LRRC4C: variants seen among roughly 807,000 people sequenced by gnomAD.
The protein encoded by LRRC4C is leucine-rich repeat-containing protein 4C.
In LRRC4C, 5 loss-of-function variants were observed where a neutral mutation model predicts 33.6. The ratio of observed to expected loss-of-function variants is 0.15; its 90% confidence interval spans 0.08 to 0.31. LRRC4C has a LOEUF of 0.31. LRRC4C is among the 10% of genes least tolerant of loss of function. The probability of loss-of-function intolerance (pLI) is 1.00; values close to 1 mark genes in which losing one functional copy is unlikely to be tolerated. For synonymous variants in LRRC4C, 329 were observed against 302.0 expected (o/e 1.09, Z -0.93); for missense variants, 560 against 796.7 (o/e 0.70, Z 3.58).
intron 2 of LRRC4C, among the ~76,000 whole-genome samples, chr11:40,869,126 T>C (rs1274267943): frequency 6.6e-6 from 1 of 152,082 alleles, no homozygotes; most frequent in Non-Finnish European, 1.5e-5. Flanking sequence ...TAAAAAACAA[T>C]GCCTCTGATC....
At chr11:40,465,762 C>A (rs1246764120) in intron 3 of LRRC4C, among the ~76,000 whole-genome samples, 1 of 151,736 alleles carries the variant, frequency 6.6e-6, no homozygotes, top group African/African-American at 2.4e-5. Context: ...ATCAGAATGT[C>A]TATTACTAAA....
intron 2 of LRRC4C, among the ~76,000 whole-genome samples, chr11:40,767,161 A>C (rs898346057): frequency 1.3e-5 from 2 of 152,134 alleles, no homozygotes; most frequent in Admixed American, 6.6e-5. Context: ...TGGAAGCCCC[A>C]AAAATAGCAG....
intron 4 of LRRC4C, among the ~76,000 whole-genome samples, chr11:40,315,925 C>T (rs1945551566): frequency 6.6e-6 from 1 of 151,998 alleles, no homozygotes; most frequent in South Asian, 2.1e-4. Context: ...CTTACAATCT[C>T]CCTGAGTAGG....
At chr11:40,740,102 T>G (rs918793098) in intron 2 of LRRC4C, among the ~76,000 whole-genome samples, 1 of 152,056 alleles carries the variant, frequency 6.6e-6, no homozygotes, top group Non-Finnish European at 1.5e-5. Flanking sequence ...TCTTGGCTAT[T>G]GGGAATAATG....
chr11:40,560,389 A>G (rs1369329575), intron 3 of LRRC4C, among the ~76,000 whole-genome samples: 1 of 151,874 alleles, frequency 6.6e-6, no homozygotes, highest in Non-Finnish European at 1.5e-5. Context: ...CATGCCAACA[A>G]CGAATTAGGT....
chr11:40,809,924 A>G (rs1342722826), intron 2 of LRRC4C, among the ~76,000 whole-genome samples: 1 of 152,200 alleles, frequency 6.6e-6, no homozygotes, highest in Non-Finnish European at 1.5e-5. Flanking sequence ...AATGTACAAA[A>G]ATAATGGTTT....
chr11:40,795,863 C>T (rs915833123), intron 2 of LRRC4C, among the ~76,000 whole-genome samples: 2 of 152,120 alleles, frequency 1.3e-5, no homozygotes, highest in African/African-American at 4.8e-5. Flanking sequence ...CCCTGTAACG[C>T]TTTAAGAATT....
intron 1 of LRRC4C, among the ~76,000 whole-genome samples, chr11:41,295,004 A>G (rs1209071656): frequency 6.6e-6 from 1 of 152,188 alleles, no homozygotes; most frequent in Non-Finnish European, 1.5e-5. Flanking sequence ...CTGATAGTAC[A>G]CTTACACACG....
intron 1 of LRRC4C, among the ~76,000 whole-genome samples, chr11:41,249,039 C>T (rs116732705): frequency 0.14 from 19,774 of 144,900 alleles, 1,468 homozygotes; most frequent in Middle Eastern, 0.24. Flanking sequence ...ATACTGTCTT[C>T]TTTTTTTTTT....
At chr11:41,401,309 T>C (rs1954016633) in intron 1 of LRRC4C, among the ~76,000 whole-genome samples, 1 of 151,970 alleles carries the variant, frequency 6.6e-6, no homozygotes, top group African/African-American at 2.4e-5. Context: ...CAAAAATAGC[T>C]GGTGGTTACC....
At chr11:41,428,444 T>A (rs1955119340) in intron 1 of LRRC4C, among the ~76,000 whole-genome samples, 1 of 151,956 alleles carries the variant, frequency 6.6e-6, no homozygotes, top group Non-Finnish European at 1.5e-5. Context: ...AAAAACGTAT[T>A]TTTTTTGTCA....
At chr11:40,116,962 C>T (rs750939360) in intron 6 of LRRC4C, among the ~76,000 whole-genome samples, 4 of 152,190 alleles carry the variant, frequency 2.6e-5, no homozygotes, top group African/African-American at 4.8e-5. Context: ...TTCTTTGCAA[C>T]TGCACAGGTT....
intron 1 of LRRC4C, among the ~76,000 whole-genome samples, chr11:41,367,130 T>G (rs1412990778): frequency 1.3e-5 from 2 of 152,144 alleles, no homozygotes; most frequent in Non-Finnish European, 2.9e-5. Flanking sequence ...GGGTGTTGCA[T>G]TGAGAGATGA....
At chr11:40,868,152 G>A (rs1245309176) in intron 2 of LRRC4C, among the ~76,000 whole-genome samples, 1 of 152,068 alleles carries the variant, frequency 6.6e-6, no homozygotes, top group African/African-American at 2.4e-5. Context: ...CTTAAACTGT[G>A]TGCACATTGG....
At chr11:40,650,089 G>C (rs1479612935) in intron 2 of LRRC4C, among the ~76,000 whole-genome samples, 3 of 152,098 alleles carry the variant, frequency 2.0e-5, no homozygotes, top group Admixed American at 2.0e-4. Flanking sequence ...TTGGCACTAG[G>C]CTAATGAAGA....
intron 3 of LRRC4C, among the ~76,000 whole-genome samples, chr11:40,367,700 T>C (rs1342049937): frequency 6.6e-6 from 1 of 152,128 alleles, no homozygotes; most frequent in Admixed American, 6.6e-5. Flanking sequence ...TCAACACTTT[T>C]GTGAAATGTC....
intron 1 of LRRC4C, among the ~76,000 whole-genome samples, chr11:41,282,614 C>T (rs532023202): frequency 1.3e-5 from 2 of 152,162 alleles, no homozygotes; most frequent in Admixed American, 6.5e-5. Flanking sequence ...GATGTCTGCC[C>T]GGGGTGTGGA....
intron 2 of LRRC4C, among the ~76,000 whole-genome samples, chr11:40,656,354 C>G (rs532267591): frequency 6.6e-6 from 1 of 151,358 alleles, no homozygotes; most frequent in Non-Finnish European, 1.5e-5. Context: ...AATATATGGC[C>G]ATATATACTG....
At chr11:40,499,342 T>C (rs1421365392) in intron 3 of LRRC4C, among the ~76,000 whole-genome samples, 1 of 152,148 alleles carries the variant, frequency 6.6e-6, no homozygotes, top group East Asian at 1.9e-4. Flanking sequence ...AAAATGTATC[T>C]GCATATCCAA....
Sources: allele counts gnomAD v4.1 joint callset (sites outside exome capture counted in the v4.1 genomes callset), GRCh38; gene constraint gnomAD v4.1.1; transcripts MANE v1.5; gene names NCBI Gene and HGNC (gene_info 2026-07-23, HGNC 2026-07-21).